Variants in PTPRD observed in about 807,000 individuals in gnomAD.
PTPRD encodes protein tyrosine phosphatase receptor type D.
A neutral mutation model predicts 214.5 loss-of-function variants in PTPRD; 34 were observed. The observed-to-expected ratio is 0.16, with a 90% confidence interval of 0.12 to 0.21. PTPRD has a LOEUF of 0.21. PTPRD is among the 10% of genes least tolerant of loss of function. The probability of loss-of-function intolerance (pLI) is 1.00; values close to 1 mark genes in which losing one functional copy is unlikely to be tolerated. For missense variants in PTPRD, 2,545 were observed against 2,398.7 expected (o/e 1.06, Z -1.27); for synonymous variants, 1,128 against 845.7 (o/e 1.33, Z -5.79).
chr9:10,077,942 A>C (rs1050456860), intron 3 of PTPRD, among the ~76,000 whole-genome samples: 1 of 152,074 alleles, frequency 6.6e-6, no homozygotes, highest in Non-Finnish European at 1.5e-5. Context: ...ACTATACTCT[A>C]AGTAACTTGT....
At chr9:10,018,579 G>A (rs1206776873) in intron 4 of PTPRD, among the ~76,000 whole-genome samples, 66 of 98,840 alleles carry the variant, frequency 6.7e-4, no homozygotes, top group Non-Finnish European at 1.1e-3. Context: ...ACGGAGTCTC[G>A]CTCTGTCGCC....
At chr9:8,844,291 A>C (rs1194993777) in intron 11 of PTPRD, among the ~76,000 whole-genome samples, 1 of 152,190 alleles carries the variant, frequency 6.6e-6, no homozygotes, top group Non-Finnish European at 1.5e-5. Flanking sequence ...AAGCCCTACC[A>C]CATCCATGGT....
chr9:8,562,414 T>C (rs1393916645), intron 14 of PTPRD, among the ~76,000 whole-genome samples: 3 of 151,686 alleles, frequency 2.0e-5, no homozygotes, highest in East Asian at 3.9e-4. Flanking sequence ...CTTCTCATAA[T>C]AATTTATTTA....
At chr9:8,542,209 G>A (rs1347296676) in intron 14 of PTPRD, among the ~76,000 whole-genome samples, 1 of 152,158 alleles carries the variant, frequency 6.6e-6, no homozygotes, top group Non-Finnish European at 1.5e-5. Context: ...TGGGCACTTC[G>A]GTGCTTGCGG....
At chr9:9,828,246 A>C (rs1375670072) in intron 5 of PTPRD, among the ~76,000 whole-genome samples, 1 of 152,170 alleles carries the variant, frequency 6.6e-6, no homozygotes, top group Admixed American at 6.6e-5. Context: ...AAAGACTTGG[A>C]ACCAACCCAA....
intron 11 of PTPRD, among the ~76,000 whole-genome samples, chr9:8,929,731 GTGTATATATATGTGTATATATATATGTA>G (rs2098932202): frequency 8.9e-6 from 1 of 112,810 alleles, no homozygotes; most frequent in Non-Finnish European, 1.7e-5. Flanking sequence ...ATATATATAT[GTGTATATATATGTGTATATATATATGTA>G]TATATATGTG....
At chr9:8,425,786 A>T (rs1425926984) in intron 35 of PTPRD, among the ~76,000 whole-genome samples, 1 of 152,178 alleles carries the variant, frequency 6.6e-6, no homozygotes, top group Non-Finnish European at 1.5e-5. Context: ...TACTCCTCTT[A>T]TAAACAAAGA....
chr9:8,770,516 A>G (rs1447712111), intron 11 of PTPRD, among the ~76,000 whole-genome samples: 1 of 152,146 alleles, frequency 6.6e-6, no homozygotes, highest in African/African-American at 2.4e-5. Flanking sequence ...GTAATATGGA[A>G]GATTTAATTA....
intron 11 of PTPRD, among the ~76,000 whole-genome samples, chr9:8,841,693 T>TA (rs142944867): frequency 0.17 from 18,572 of 106,726 alleles, 1,371 homozygotes; most frequent in East Asian, 0.4. Context: ...GGTACATACT[T>TA]AGAGTCTCAG....
chr9:8,664,034 C>G (rs1027889534), intron 12 of PTPRD, among the ~76,000 whole-genome samples: 1 of 152,082 alleles, frequency 6.6e-6, no homozygotes, highest in East Asian at 1.9e-4. Context: ...GCAGTCTTTT[C>G]ATTATCTCTA....
At chr9:9,454,821 A>C (rs1488823324) in intron 8 of PTPRD, among the ~76,000 whole-genome samples, 2 of 151,594 alleles carry the variant, frequency 1.3e-5, no homozygotes, top group South Asian at 2.1e-4. Flanking sequence ...TCAGATGTAA[A>C]TCATGTCTCA....
At chr9:8,787,051 G>A (rs2096011545) in intron 11 of PTPRD, among the ~76,000 whole-genome samples, 1 of 152,006 alleles carries the variant, frequency 6.6e-6, no homozygotes, top group African/African-American at 2.4e-5. Context: ...GCCTAGTCTG[G>A]TCTCGAACTC....
At chr9:9,138,698 A>G (rs985072032) in intron 10 of PTPRD, among the ~76,000 whole-genome samples, 2 of 152,204 alleles carry the variant, frequency 1.3e-5, no homozygotes, top group Non-Finnish European at 2.9e-5. Flanking sequence ...ATGAGCAGTA[A>G]TTTAATTTAT....
intron 9 of PTPRD, among the ~76,000 whole-genome samples, chr9:9,218,446 A>T (rs2099953700): frequency 6.6e-6 from 1 of 152,160 alleles, no homozygotes; most frequent in Non-Finnish European, 1.5e-5. Context: ...TCAGTAACAT[A>T]AAAGATTTCA....
intron 8 of PTPRD, among the ~76,000 whole-genome samples, chr9:9,416,076 T>C (rs1210277556): frequency 6.6e-6 from 1 of 152,188 alleles, no homozygotes; most frequent in Non-Finnish European, 1.5e-5. Flanking sequence ...ACCTAATAAA[T>C]TGCCAAGTCC....
intron 7 of PTPRD, among the ~76,000 whole-genome samples, chr9:9,592,769 G>T (rs1035895971): frequency 6.6e-6 from 1 of 152,074 alleles, no homozygotes; most frequent in African/African-American, 2.4e-5. Context: ...TGGCTGTAGG[G>T]CATGGTGGCT....
Position 9,615,157 on chromosome 9 carries a change from C to T in PTPRD, c.-286-40376G>A, listed in dbSNP as rs998739923. On this transcript the variant is annotated intron_variant, in intron 7 of 45. Transcript: ENST00000381196. Reference sequence around the variant, plus strand: ...TGACCTGGCAATATTTCCACAGACACCTTGGACTCCCTGGGCAAGCCCTGC... The same window carrying T: ...TGACCTGGCAATATTTCCACAGACATCTTGGACTCCCTGGGCAAGCCCTGC... Among the ~76,000 whole-genome samples the T allele has an allele frequency of 1.2e-4, 19 of 152,264 alleles. No homozygotes were observed. The East Asian group carries it at 3.5e-3, about 28-fold the overall frequency.
At chr9:8,486,837 T>C (rs1025653497) in intron 27 of PTPRD, among the ~76,000 whole-genome samples, 34 of 152,214 alleles carry the variant, frequency 2.2e-4, no homozygotes, top group African/African-American at 8.2e-4. Context: ...TTAGTTATTA[T>C]TATCTCTATC....
chr9:8,353,609 T>C (rs1418484556), intron 39 of PTPRD, among the ~76,000 whole-genome samples: 1 of 151,864 alleles, frequency 6.6e-6, no homozygotes. Context: ...ATTTTCCTTA[T>C]ATTTAGTAGA....
Sources: gnomAD v4.1 joint callset for allele counts (sites outside exome capture counted in the v4.1 genomes callset) on GRCh38, gnomAD v4.1.1 for gene constraint, MANE v1.5 for transcripts, NCBI Gene and HGNC (gene_info 2026-07-23, HGNC 2026-07-21) for gene names.